Variants in TCERG1L observed in about 807,000 individuals in gnomAD.
TCERG1L encodes transcription elongation regulator 1-like protein.
A neutral mutation model predicts 56.3 loss-of-function variants in TCERG1L; 37 were observed. The observed-to-expected ratio is 0.66, with a 90% confidence interval of 0.51 to 0.87. TCERG1L has a LOEUF of 0.87. TCERG1L is among the 40% of genes least tolerant of loss of function. The pLI is 0.00. For synonymous variants in TCERG1L, 324 were observed against 326.3 expected, an observed-to-expected ratio of 0.99 and a Z score of 0.08; for missense variants, 799 against 774.2, an observed-to-expected ratio of 1.03 and a Z score of -0.38.
intron 4 of TCERG1L, among the ~76,000 whole-genome samples, chr10:131,243,603 A>G (rs913752966): frequency 6.6e-6 from 1 of 152,184 alleles, no homozygotes; most frequent in African/African-American, 2.4e-5. Flanking sequence ...ACACATGCAC[A>G]CTGCGGCTGT....
chr10:131,142,701 C>T (rs1283757553), intron 7 of TCERG1L, among the ~76,000 whole-genome samples: 1 of 152,142 alleles, frequency 6.6e-6, no homozygotes, highest in Non-Finnish European at 1.5e-5. Flanking sequence ...ATCCCCATTC[C>T]CCTTCAGTAG....
intron 8 of TCERG1L, among the ~76,000 whole-genome samples, chr10:131,132,421 G>A (rs1845627701): frequency 6.6e-6 from 1 of 152,196 alleles, no homozygotes; most frequent in African/African-American, 2.4e-5. Flanking sequence ...ACTAAAATTA[G>A]CGTTTCAATG....
In TCERG1L at chr10:131,092,939, C is replaced by A. The variant is rs7071145; in HGVS notation, c.*223G>T. On this transcript the variant is annotated 3_prime_UTR_variant, in exon 12 of 12. Transcript: ENST00000368642. ...TGCATAATTAAAACAATTAAGGGAT[C>A]GACGTATCACGGTGATTAGAAATGC... 114,203 of 477,150 alleles carry A rather than the reference C, an allele frequency of 0.24. 15,140 individuals carry two copies. Among genetic ancestry groups the A allele is most frequent in the African/African-American group, 0.35 (17,509 of 50,708 alleles). 29.6% of individuals were successfully genotyped at this position (477,150 alleles called of 1,614,324 possible).
chr10:131,149,866 C>T (rs1845844472), intron 6 of TCERG1L, among the ~76,000 whole-genome samples: 1 of 152,146 alleles, frequency 6.6e-6, no homozygotes, highest in Admixed American at 6.5e-5. Context: ...TGTCTCATGC[C>T]CAGCATGTCA....
chr10:131,127,323 C>T (rs1349390828), intron 8 of TCERG1L, among the ~76,000 whole-genome samples: 1 of 152,212 alleles, frequency 6.6e-6, no homozygotes, highest in Non-Finnish European at 1.5e-5. Flanking sequence ...GAGACAGAGA[C>T]TGAGGCACGT....
Position 131,242,580 on chromosome 10 carries a change from C to G in TCERG1L, c.856+17679G>C, listed in dbSNP as rs201501154. Among the ~76,000 whole-genome samples the G allele has an allele frequency of 2.9e-4, 44 of 152,324 alleles. 1 individual carries two copies. In the East Asian group the frequency reaches 6.9e-3, roughly 24 times the overall value. ...TGTTGAAAACCTACACAGTGAGTAT[C>G]CCTTATAGGAAATGCTTGCAACCAG... On this transcript the variant is annotated intron_variant, in intron 4 of 11. Transcript: ENST00000368642.
chr10:131,299,921 T>C (rs1373791735), intron 3 of TCERG1L, among the ~76,000 whole-genome samples: 3 of 152,140 alleles, frequency 2.0e-5, no homozygotes, highest in African/African-American at 7.2e-5. Flanking sequence ...CTGTCAGTTA[T>C]CTTTTAAAAC....
chr10:131,299,902 C>G (rs1160122088), intron 3 of TCERG1L, among the ~76,000 whole-genome samples: 5 of 151,962 alleles, frequency 3.3e-5, no homozygotes, highest in Admixed American at 1.3e-4. Context: ...CTATCTTTTG[C>G]TCTTTATACT....
chr10:131,269,132 T>A lies in TCERG1L; in HGVS notation c.671-8688A>T, dbSNP rs61186315. ...AAAGTGAAACATGCCACTCTTCTTT[T>A]CATTTGAAAATGTAGTCGCCATTGT... is the stretch of plus-strand genomic sequence containing the variant. On this transcript the variant is annotated intron_variant, in intron 3 of 11. Transcript: ENST00000368642. Among the ~76,000 whole-genome samples the A allele has an allele frequency of 2.7e-3, 414 of 152,346 alleles. 1 individual carries two copies. The highest frequency in any genetic ancestry group is 9.7e-3 in the African/African-American group (403 of 41,576).
At chr10:131,207,093 C>G (rs1333312964) in intron 4 of TCERG1L, among the ~76,000 whole-genome samples, 4 of 152,212 alleles carry the variant, frequency 2.6e-5, no homozygotes, top group African/African-American at 7.2e-5. Context: ...GGGCGCAACT[C>G]TGCTGGCCAC....
intron 4 of TCERG1L, among the ~76,000 whole-genome samples, chr10:131,190,467 AAAAAGAAAACT>A (rs1845291585): frequency 1.9e-5 from 2 of 103,780 alleles, no homozygotes; most frequent in African/African-American, 3.8e-5. Context: ...GGATATAACA[AAAAAGAAAACT>A]GCAGACCAAT....
chr10:131,098,477 A>C, intron 10 of TCERG1L, 53 bp from the exon 11 acceptor site: 2 of 1,517,328 alleles, frequency 1.3e-6, no homozygotes, highest in Middle Eastern at 1.9e-4. Flanking sequence ...ATCAGAAATG[A>C]AATCTTGTAT....
At chr10:131,159,305 C>T (rs532158029) in intron 6 of TCERG1L, among the ~76,000 whole-genome samples, 7 of 152,238 alleles carry the variant, frequency 4.6e-5, no homozygotes, top group South Asian at 2.1e-4. Flanking sequence ...CCAAGGAGGT[C>T]GTCTATTTGG....
At chr10:131,262,072 G>T (rs551607655) in intron 3 of TCERG1L, among the ~76,000 whole-genome samples, 16 of 152,168 alleles carry the variant, frequency 1.1e-4, no homozygotes, top group Non-Finnish European at 2.4e-4. Context: ...ATGAGGAAGT[G>T]GGGGGTGAGG....
chr10:131,134,357 G>A (rs374372445), intron 8 of TCERG1L, 22 bp downstream of exon 8: 3 of 1,569,200 alleles, frequency 1.9e-6, no homozygotes, highest in Non-Finnish European at 2.6e-6. Flanking sequence ...AAGATCTGCT[G>A]GGGAAGAGCA....
chr10:131,194,291 C>T (rs577538286), intron 4 of TCERG1L, among the ~76,000 whole-genome samples: 44 of 152,354 alleles, frequency 2.9e-4, no homozygotes, highest in African/African-American at 8.7e-4. Flanking sequence ...GGAACTTACA[C>T]GCTGACGAAG....
intron 4 of TCERG1L, among the ~76,000 whole-genome samples, chr10:131,200,073 A>C (rs1845415200): frequency 6.6e-6 from 1 of 152,108 alleles, no homozygotes. Flanking sequence ...CTGAGCTCTC[A>C]CCAGGATCGT....
In TCERG1L at chr10:131,311,166, G is replaced by A. The variant is rs924600123; in HGVS notation, c.342+128C>T. 2.8e-5 allele frequency: 20 copies of A among 714,636 alleles called. No homozygotes were observed. Among genetic ancestry groups the A allele is most frequent in the South Asian group, 6.8e-5 (1 of 14,680 alleles). 44.3% of individuals were successfully genotyped at this position (714,636 alleles called of 1,614,324 possible). ...CACGGCTGCCGGGCTCCGTCCTGAG[G>A]GTTTGGGGCGGCGAGGACCGCCGGG... On this transcript the variant is annotated intron_variant, in intron 1 of 11. Transcript: ENST00000368642. This position sits in a 1 kb window ranked among gnomAD's most constrained non-coding sequence, Gnocchi z 4.0.
chr10:131,095,461 G>A (rs1356662963), intron 11 of TCERG1L: 4 of 152,246 alleles, frequency 2.6e-5, no homozygotes, highest in African/African-American at 9.6e-5. Context: ...ACAGCCTCAG[G>A]AGGCTGCTTC....
Sources: gnomAD v4.1 joint callset for allele counts (sites outside exome capture counted in the v4.1 genomes callset) on GRCh38, gnomAD v4.1.1 for gene constraint, Gnocchi (gnomAD v3.1) non-coding constraint, MANE v1.5 for transcripts, NCBI Gene and HGNC (gene_info 2026-07-23, HGNC 2026-07-21) for gene names.